Variants in NLRX1 observed in about 807,000 individuals in gnomAD.
NLRX1 encodes the protein NLR family member X1.
In NLRX1, 67 loss-of-function variants were observed where a neutral mutation model predicts 74.2. That is an observed-to-expected ratio of 0.90 (90% CI 0.74 to 1.11). NLRX1 has a LOEUF of 1.11. Ranked by LOEUF, NLRX1 falls within the 50% of genes least tolerant of loss-of-function variation. NLRX1 has a pLI of 0.00. For missense variants in NLRX1, 1,191 were observed against 1,305.4 expected, an observed-to-expected ratio of 0.91 and a Z score of 1.35; for synonymous variants, 506 against 559.1, an observed-to-expected ratio of 0.91 and a Z score of 1.34.
In NLRX1 at chr11:119,183,540, G is replaced by C. The variant is rs1948905800; in HGVS notation, c.*101G>C. On this transcript the variant is annotated 3_prime_UTR_variant, in exon 10 of 10. Coordinates refer to ENST00000409109, the MANE Select transcript of NLRX1 (RefSeq NM_001282144.2). The surrounding 1 kb of genome is among the most constrained non-coding windows in gnomAD (Gnocchi z 5.7). ...TGCTCCCTCTAGAAAGATTCCTTCA[G>C]GTCTGGAGGCAGAGGAATGGGCATA... The C allele has an allele frequency of 8.3e-7, 1 of 1,202,666 alleles. No individual in the cohort carries two copies. 74.5% of individuals were successfully genotyped at this position (1,202,666 alleles called of 1,614,324 possible). A position where few individuals can be genotyped will look rare whatever the true frequency, so the allele number is the denominator to read the frequency against.
At chr11:119,181,058 G>C (rs1565834520) in intron 7 of NLRX1, 113 bp from the exon 8 acceptor site, 2 of 767,216 alleles carry the variant, frequency 2.6e-6, no homozygotes, top group East Asian at 2.5e-5. Context: ...AGGGGAAGCA[G>C]GTATAGATTC....
rs1229902093 is a variant in NLRX1, at chr11:119,183,822, G to A, written c.*383G>A. The A allele has an allele frequency of 2.6e-6, 2 of 780,778 alleles. No homozygotes were observed. Among genetic ancestry groups the A allele is most frequent in the Admixed American group, 1.7e-5 (1 of 59,024 alleles). 48.4% of individuals were successfully genotyped at this position (780,778 alleles called of 1,614,324 possible). ...CACATCTTATGTCTGCCATGCCAGG[G>A]GTGTCGCCATCCAGATGTGTTGGAA... On this transcript the variant is annotated 3_prime_UTR_variant, in exon 10 of 10. Coordinates refer to ENST00000409109, the MANE Select transcript of NLRX1 (RefSeq NM_001282144.2). The surrounding 1 kb of genome is among the most constrained non-coding windows in gnomAD (Gnocchi z 5.7).
chr11:119,177,484 C>T (rs1296263292), intron 6 of NLRX1, among the ~76,000 whole-genome samples: 5 of 148,936 alleles, frequency 3.4e-5, no homozygotes, highest in Non-Finnish European at 5.9e-5. Flanking sequence ...AAAAATTAGC[C>T]GGGTGTGGTG....
At position 119,180,168 on chromosome 11, in the gene NLRX1, T is replaced by A. The variant is rs1592335016; in HGVS notation, c.2147T>A (p.Val716Glu). 2 of 1,613,228 alleles carry A rather than the reference T, an allele frequency of 1.2e-6. No homozygotes were observed. The highest frequency in any genetic ancestry group is 1.7e-5 in the Admixed American group (1 of 60,002). ...ATGACACCAGTCAAGTGCACAGTGGTGGCAGCTGTGCTGGGCAGCGGAAGG... is the reference window on the plus strand; with the variant it reads ...ATGACACCAGTCAAGTGCACAGTGGAGGCAGCTGTGCTGGGCAGCGGAAGG... ...VRMTPVKCTV[V>E]AAVLGSGRHA... is the part of the protein sequence containing the mutation. The change falls in exon 7 of 10, where the codon GTG becomes GAG. Residue 716 changes from valine (V) to glutamate (E), a missense_variant. Physicochemically the swap from Val to Glu is moderately radical, Grantham distance 121. Transcript: ENST00000409109.
chr11:119,183,466 G>A lies in NLRX1; in HGVS notation c.*27G>A. On this transcript the variant is annotated 3_prime_UTR_variant, in exon 10 of 10. Coordinates refer to ENST00000409109, the MANE Select transcript of NLRX1 (RefSeq NM_001282144.2). This position sits in a 1 kb window ranked among gnomAD's most constrained non-coding sequence, Gnocchi z 5.7. ...ACACTGGCGGCAGGCACCTAGCTAT[G>A]TGACCACTGGCCCTAAACCTTTTCC... 1 of 1,591,890 alleles carries A rather than the reference G, an allele frequency of 6.3e-7. No homozygotes were observed. Among genetic ancestry groups the A allele is most frequent in the Non-Finnish European group, 8.5e-7 (1 of 1,171,602 alleles).
At chr11:119,172,245 A>C in intron 2 of NLRX1, 111 bp from the exon 3 acceptor site, 2 of 790,414 alleles carry the variant, frequency 2.5e-6, no homozygotes, top group Non-Finnish European at 4.5e-6. Context: ...TAACTGCTGC[A>C]AAGGGGCAGT....
At chr11:119,178,154 C>T (rs1327747459) in intron 6 of NLRX1, among the ~76,000 whole-genome samples, 1 of 152,094 alleles carries the variant, frequency 6.6e-6, no homozygotes, top group African/African-American at 2.4e-5. Context: ...GGTGACACAG[C>T]AAGACTCTGT....
chr11:119,180,400 G>A (rs538313193), intron 7 of NLRX1, 112 bp downstream of exon 7: 41 of 884,452 alleles, frequency 4.6e-5, no homozygotes, highest in African/African-American at 4.4e-4. Context: ...ACCAGAAGGT[G>A]GGATGAAGAA....
chr11:119,170,088 T>C lies in NLRX1; in HGVS notation c.-49+786T>C, dbSNP rs141840267. ...GTCATTCCAAACTGGGAAGAGTGTA[T>C]GAACAAATTTAGGACAGCAAGAGCA... On this transcript the variant is annotated intron_variant, in intron 1 of 9. Coordinates refer to ENST00000409109, the MANE Select transcript of NLRX1 (RefSeq NM_001282144.2). Among the ~76,000 whole-genome samples, 176 of 142,524 alleles carry C rather than the reference T, an allele frequency of 1.2e-3. 3 individuals carry two copies. The East Asian group carries it at 0.029, about 23-fold the overall frequency. The allele number at this position is 142,524 out of a possible 152,430, so 93.5% of individuals were successfully genotyped here.
Position 119,180,005 on chromosome 11 carries a change from CT to C in NLRX1, c.1985del (p.Leu662ArgfsTer47). 1 of 1,613,718 alleles carries C rather than the reference CT, an allele frequency of 6.2e-7. No homozygotes were observed. The highest frequency in any genetic ancestry group is 8.5e-7 in the Non-Finnish European group (1 of 1,180,002). On this transcript the variant is annotated frameshift_variant, in exon 7 of 10. Coordinates refer to ENST00000409109, the MANE Select transcript of NLRX1 (RefSeq NM_001282144.2). LOFTEE classifies it high-confidence loss of function. ...GAATGCCCAGGCCATCAAGAAGAAG[CT>C]GGGCAAGCTGGGCCGGCAGGTGCTG... Reference protein sequence around the residue: ...LENAQAIKKKLGKLGRQVLPP... With the variant: ...LENAQAIKKKXGKLGRQVLPP...
At chr11:119,177,859 C>T (rs984855893) in intron 6 of NLRX1, 1 of 152,158 alleles carries the variant, frequency 6.6e-6, no homozygotes, top group African/African-American at 2.4e-5. Context: ...ACCCCCAAGC[C>T]CTCTTGGAGG....
At chr11:119,169,853 A>G (rs1208642260) in intron 1 of NLRX1, among the ~76,000 whole-genome samples, 1 of 152,060 alleles carries the variant, frequency 6.6e-6, no homozygotes, top group African/African-American at 2.4e-5. Context: ...AAAATTAGCC[A>G]GGTGTGGTGG....
chr11:119,176,702 T>C, intron 6 of NLRX1, among the ~76,000 whole-genome samples: 1 of 152,118 alleles, frequency 6.6e-6, no homozygotes, highest in East Asian at 1.9e-4. Context: ...AAAATAATAA[T>C]AACAAAATTA....
chr11:119,173,175 A>C lies in NLRX1; in HGVS notation c.229+186A>C. 3.2e-6 allele frequency: 2 copies of C among 625,494 alleles called. No individual in the cohort carries two copies. The highest frequency in any genetic ancestry group is 5.5e-5 in the East Asian group (2 of 36,420). The allele number at this position is 625,494 out of a possible 1,614,324, so 38.7% of individuals were successfully genotyped here. ...TGCAATACTCTTGCAATGCACACTT[A>C]TATGTACAAAGCGCTAGGAGAGCCA... On this transcript the variant is annotated intron_variant, in intron 4 of 9. Transcript: ENST00000409109. This position sits in a 1 kb window ranked among gnomAD's most constrained non-coding sequence, Gnocchi z 4.0.
chr11:119,173,415 A>G lies in NLRX1; in HGVS notation c.230-64A>G. The G allele has an allele frequency of 6.4e-7, 1 of 1,551,888 alleles. No individual in the cohort carries two copies. Among genetic ancestry groups the G allele is most frequent in the South Asian group, 1.2e-5 (1 of 84,128 alleles). ...CCAGCCTGACCTCACCACCGCCCTGATTGGCCCTAAGCTACATCTCCAGGC... is the reference window on the plus strand; with the variant it reads ...CCAGCCTGACCTCACCACCGCCCTGGTTGGCCCTAAGCTACATCTCCAGGC... On this transcript the variant is annotated intron_variant, in intron 4 of 9. Transcript: ENST00000409109. This position sits in a 1 kb window ranked among gnomAD's most constrained non-coding sequence, Gnocchi z 4.0.
chr11:119,172,174 T>G (rs1050344253), intron 2 of NLRX1, among the ~76,000 whole-genome samples, 182 bp from the exon 3 acceptor site: 1 of 152,198 alleles, frequency 6.6e-6, no homozygotes, highest in Non-Finnish European at 1.5e-5. Flanking sequence ...ATCCCTCTCA[T>G]GGAGGAGAGA....
chr11:119,174,818 C>G lies in NLRX1; in HGVS notation c.1215C>G (p.Asn405Lys). The G allele has an allele frequency of 6.2e-7, 1 of 1,614,042 alleles. No homozygotes were observed. ...TSIYTSFLRL[N>K]FSGETLDSTD... is the part of the protein sequence containing the mutation. The stretch of plus-strand genomic sequence containing the variant: ...TCTATACCAGCTTCCTGCGCCTCAA[C>G]TTCAGCGGGGAAACCCTGGACAGCA... The change falls in exon 6 of 10, where the codon AAC becomes AAG. Residue 405 changes from asparagine to lysine, a missense_variant. By Grantham distance (94) the Asn-to-Lys change is moderately conservative (BLOSUM62 0). Transcript: ENST00000409109.
At chr11:119,175,324 C>G (rs374379618) in intron 6 of NLRX1, 50 bp downstream of exon 6, 15 of 1,525,708 alleles carry the variant, frequency 9.8e-6, no homozygotes, top group Admixed American at 1.8e-5. Context: ...CCCTCCCCAG[C>G]ACCCCAAGCC....
intron 6 of NLRX1, among the ~76,000 whole-genome samples, chr11:119,176,205 A>G (rs559437020): frequency 6.6e-6 from 1 of 152,308 alleles, no homozygotes; most frequent in South Asian, 2.1e-4. Flanking sequence ...AGTGCTGGTT[A>G]GTGCTGGCAG....
Sources: allele counts gnomAD v4.1 joint callset (sites outside exome capture counted in the v4.1 genomes callset), GRCh38; gene constraint gnomAD v4.1.1; non-coding constraint Gnocchi (gnomAD v3.1); transcripts MANE v1.5; gene names NCBI Gene and HGNC (gene_info 2026-07-23, HGNC 2026-07-21).